Variants in GRM8 observed in about 807,000 individuals in gnomAD.
The protein encoded by GRM8 is glutamate metabotropic receptor 8.
A neutral mutation model predicts 87.2 loss-of-function variants in GRM8; 47 were observed. The observed-to-expected ratio is 0.54, with a 90% CI of 0.43 to 0.69. GRM8 has a LOEUF of 0.69. Among genes scored for constraint, GRM8 ranks in the 30% least tolerant of loss-of-function variants. The pLI, the probability that GRM8 is intolerant of heterozygous loss-of-function variation, is 0.00. For synonymous variants in GRM8, 396 were observed against 404.5 expected (o/e 0.98, Z 0.25); for missense variants, 1,019 against 1,139.2 (o/e 0.89, Z 1.52).
chr7:126,458,219 C>A (rs1217485074), intron 9 of GRM8, among the ~76,000 whole-genome samples: 1 of 150,940 alleles, frequency 6.6e-6, no homozygotes, highest in Non-Finnish European at 1.5e-5. Flanking sequence ...AAACATAAAT[C>A]ATTAATTTTC....
chr7:126,575,945 A>G (rs1358194884), intron 8 of GRM8, among the ~76,000 whole-genome samples: 2 of 152,174 alleles, frequency 1.3e-5, no homozygotes, highest in Non-Finnish European at 1.5e-5. Flanking sequence ...GTTACTAACA[A>G]GAAACATGAT....
In GRM8 at chr7:127,140,191, T is replaced by C. The variant is rs564065887; in HGVS notation, c.511-33479A>G. 5.9e-5 allele frequency among the ~76,000 whole-genome samples: 9 copies of C among 152,260 alleles called. No homozygotes were observed. The South Asian group carries it at 1.7e-3, about 28-fold the overall frequency. On this transcript the variant is annotated intron_variant, in intron 2 of 10. Transcript: ENST00000339582. ...TCAGCTTTTCTCAATCTCAGCACTA[T>C]TGACATCTTAGACTGGTTAATTCTT... is the stretch of plus-strand genomic sequence containing the variant.
chr7:126,447,843 A>G (rs1236051618), intron 9 of GRM8, among the ~76,000 whole-genome samples: 1 of 151,928 alleles, frequency 6.6e-6, no homozygotes, highest in Non-Finnish European at 1.5e-5. Context: ...TCTGCCACTA[A>G]GGCTGTCCTT....
At chr7:127,212,581 C>G (rs988600649) in intron 2 of GRM8, among the ~76,000 whole-genome samples, 26 of 152,006 alleles carry the variant, frequency 1.7e-4, no homozygotes, top group African/African-American at 5.8e-4. Context: ...CTACGTCCGG[C>G]TAATTTTTTG....
At chr7:126,917,875 A>G (rs1804088539) in intron 3 of GRM8, among the ~76,000 whole-genome samples, 2 of 152,216 alleles carry the variant, frequency 1.3e-5, no homozygotes, top group African/African-American at 2.4e-5. Flanking sequence ...ATTGACCGAC[A>G]TCCTCTCAAA....
intron 3 of GRM8, among the ~76,000 whole-genome samples, chr7:126,927,974 C>T (rs1461505040): frequency 6.6e-6 from 1 of 152,104 alleles, no homozygotes; most frequent in African/African-American, 2.4e-5. Context: ...ACCCAAATGT[C>T]CATCAATGAT....
intron 8 of GRM8, among the ~76,000 whole-genome samples, chr7:126,557,342 G>T (rs1354291464): frequency 2.0e-5 from 3 of 152,186 alleles, no homozygotes; most frequent in Non-Finnish European, 4.4e-5. Context: ...GACAGAGACG[G>T]GCTCAGGTGC....
chr7:126,572,324 C>T (rs1383159049), intron 8 of GRM8, among the ~76,000 whole-genome samples: 2 of 151,712 alleles, frequency 1.3e-5, no homozygotes, highest in African/African-American at 4.8e-5. Context: ...TAAGAGAATT[C>T]CAAAAAATAA....
intron 6 of GRM8, among the ~76,000 whole-genome samples, chr7:126,854,314 T>C (rs1463948541): frequency 1.3e-5 from 2 of 152,196 alleles, no homozygotes; most frequent in African/African-American, 4.8e-5. Flanking sequence ...CTGCCTCTCT[T>C]ACACCATGAA....
intron 8 of GRM8, among the ~76,000 whole-genome samples, chr7:126,592,584 C>T (rs778728976): frequency 3.9e-5 from 6 of 151,904 alleles, no homozygotes; most frequent in African/African-American, 1.4e-4. Flanking sequence ...ATTCAACATA[C>T]TTTCATGATA....
intron 9 of GRM8, among the ~76,000 whole-genome samples, chr7:126,519,765 A>C (rs1047728123): frequency 6.6e-6 from 1 of 152,146 alleles, no homozygotes; most frequent in Non-Finnish European, 1.5e-5. Context: ...TTTCGAGTAC[A>C]GTGATCAGTG....
chr7:127,096,496 G>A (rs530454470), intron 3 of GRM8, among the ~76,000 whole-genome samples: 1 of 151,996 alleles, frequency 6.6e-6, no homozygotes, highest in South Asian at 2.1e-4. Flanking sequence ...GGAGGCAGAG[G>A]GTGCAATGAG....
intron 2 of GRM8, among the ~76,000 whole-genome samples, chr7:127,163,588 C>T (rs1793256155): frequency 6.6e-6 from 1 of 152,100 alleles, no homozygotes; most frequent in Admixed American, 6.6e-5. Context: ...AATTATTTAT[C>T]CATGTATAAG....
chr7:126,744,691 TG>T (rs1403638533), intron 7 of GRM8, among the ~76,000 whole-genome samples: 1 of 152,006 alleles, frequency 6.6e-6, no homozygotes, highest in Non-Finnish European at 1.5e-5. Flanking sequence ...CAGATTTTGG[TG>T]TAATACCAAA....
intron 7 of GRM8, among the ~76,000 whole-genome samples, chr7:126,758,218 A>G (rs1335302176): frequency 1.3e-5 from 2 of 152,186 alleles, no homozygotes; most frequent in Non-Finnish European, 2.9e-5. Flanking sequence ...GCAGAAAAAA[A>G]TAATAGTTAC....
intron 6 of GRM8, among the ~76,000 whole-genome samples, chr7:126,898,685 G>C (rs1430961606): frequency 1.3e-5 from 2 of 152,192 alleles, no homozygotes; most frequent in African/African-American, 4.8e-5. Context: ...CAGTATTTGT[G>C]CCTGAAATAA....
At chr7:127,045,927 C>G (rs1818878392) in intron 3 of GRM8, among the ~76,000 whole-genome samples, 1 of 152,166 alleles carries the variant, frequency 6.6e-6, no homozygotes, top group Non-Finnish European at 1.5e-5. Flanking sequence ...CACATACACA[C>G]CACAACCAGT....
At chr7:127,126,114 C>T (rs1827357272) in intron 2 of GRM8, among the ~76,000 whole-genome samples, 1 of 151,996 alleles carries the variant, frequency 6.6e-6, no homozygotes, top group Non-Finnish European at 1.5e-5. Flanking sequence ...ATCCAACAAT[C>T]CCACTACCGG....
At chr7:126,618,387 T>C (rs1392714546) in intron 7 of GRM8, among the ~76,000 whole-genome samples, 3 of 152,166 alleles carry the variant, frequency 2.0e-5, no homozygotes, top group Non-Finnish European at 4.4e-5. Flanking sequence ...CAAGATGGAT[T>C]AAAGACTTAA....
Sources: gnomAD v4.1 joint callset for allele counts (sites outside exome capture counted in the v4.1 genomes callset) on GRCh38, gnomAD v4.1.1 for gene constraint, MANE v1.5 for transcripts, NCBI Gene and HGNC (gene_info 2026-07-23, HGNC 2026-07-21) for gene names.